The following SPAG9 variants were observed in gnomAD, a reference collection of about 807,000 sequenced individuals.
SPAG9 encodes sperm associated antigen 9, also known as C-Jun-amino-terminal kinase-interacting protein 4.
SPAG9 carries 35 observed loss-of-function variants against 166.5 expected under a neutral mutation model. The observed-to-expected ratio is 0.21, with a 90% CI of 0.16 to 0.28. The LOEUF (loss-of-function observed/expected upper bound fraction) is 0.28, where lower values mean the gene tolerates loss of function less well. Ranked by LOEUF, SPAG9 falls within the 10% of genes least tolerant of loss-of-function variation. SPAG9 has a pLI of 1.00. For missense variants in SPAG9, 1,235 were observed against 1,603.3 expected, an observed-to-expected ratio of 0.77 and a Z score of 3.92; for synonymous variants, 534 against 565.5, an observed-to-expected ratio of 0.94 and a Z score of 0.79.
At chr17:51,080,268 T>C (rs1441572321) in intron 1 of SPAG9, among the ~76,000 whole-genome samples, 1 of 152,098 alleles carries the variant, frequency 6.6e-6, no homozygotes, top group African/African-American at 2.4e-5. Context: ...CAGCAACATC[T>C]GACAAGTGAT....
chr17:51,050,253 C>T (rs536770953), intron 3 of SPAG9, among the ~76,000 whole-genome samples: 1 of 152,160 alleles, frequency 6.6e-6, no homozygotes, highest in South Asian at 2.1e-4. Flanking sequence ...AACTGACAAC[C>T]AAAAATGACT....
chr17:50,982,000 T>C (rs905077261), intron 25 of SPAG9, among the ~76,000 whole-genome samples: 2 of 147,796 alleles, frequency 1.4e-5, no homozygotes, highest in African/African-American at 5.0e-5. Flanking sequence ...GCCACTGCAC[T>C]CCAGCCTGGG....
intron 1 of SPAG9, among the ~76,000 whole-genome samples, chr17:51,095,307 A>T (rs2048581623): frequency 1.2e-5 from 1 of 84,106 alleles, no homozygotes; most frequent in Non-Finnish European, 3.2e-5. Context: ...AAAAAAAAAA[A>T]AAAAAAAAAA....
intron 1 of SPAG9, among the ~76,000 whole-genome samples, chr17:51,104,734 C>A (rs2048895604): frequency 6.6e-6 from 1 of 151,818 alleles, no homozygotes; most frequent in Non-Finnish European, 1.5e-5. Flanking sequence ...GAGATCGAGA[C>A]CATCCTGGCT....
intron 1 of SPAG9, among the ~76,000 whole-genome samples, chr17:51,105,389 A>G (rs1323929219): frequency 5.3e-5 from 8 of 152,212 alleles, no homozygotes; most frequent in Non-Finnish European, 1.2e-4. Context: ...AATAAGATAG[A>G]AAACAAGACA....
At position 51,014,275 on chromosome 17, in the gene SPAG9, G is replaced by T; in HGVS notation, c.1170C>A (p.Gly390=). 1 of 1,613,342 alleles carries T rather than the reference G, an allele frequency of 6.2e-7. No individual in the cohort carries two copies. The highest frequency in any genetic ancestry group is 8.5e-7 in the Non-Finnish European group (1 of 1,179,466). Reference sequence around the variant, plus strand: ...CATCCACATCTCCTATTAGGCCTGAGCCAGCTGAAGACAGTTCTTCAAAGA... The same window carrying T: ...CATCCACATCTCCTATTAGGCCTGATCCAGCTGAAGACAGTTCTTCAAAGA... ...ESLFEELSSA[G]SGLIGDVDEG... The change falls in exon 9 of 30, where the codon GGC becomes GGA. Residue 390 remains glycine, a synonymous_variant. Coordinates refer to ENST00000262013, the MANE Select transcript of SPAG9 (RefSeq NM_001130528.3).
intron 2 of SPAG9, among the ~76,000 whole-genome samples, chr17:51,076,967 CTCTA>C (rs1000888562): frequency 1.0e-4 from 15 of 147,384 alleles, no homozygotes; most frequent in Admixed American, 9.1e-4. Context: ...GAGATCTTGT[CTCTA>C]TCTATCTATC....
intron 2 of SPAG9, among the ~76,000 whole-genome samples, chr17:51,067,491 A>G (rs2047706561): frequency 6.6e-6 from 1 of 152,230 alleles, no homozygotes; most frequent in Non-Finnish European, 1.5e-5. Flanking sequence ...GTTGCATTCC[A>G]TTTGAAGTGT....
At chr17:51,062,115 AGAC>A (rs1422763170) in intron 2 of SPAG9, among the ~76,000 whole-genome samples, 1 of 152,170 alleles carries the variant, frequency 6.6e-6, no homozygotes, top group Non-Finnish European at 1.5e-5. Flanking sequence ...AATTTTTAAT[AGAC>A]TTTATTTTTA....
chr17:51,113,504 A>G (rs1455217374), intron 1 of SPAG9, among the ~76,000 whole-genome samples: 1 of 150,452 alleles, frequency 6.6e-6, no homozygotes, highest in Non-Finnish European at 1.5e-5. Context: ...ACATGGTAAA[A>G]CCCCATCTCT....
chr17:50,977,188 A>T lies in SPAG9; in HGVS notation c.3443T>A (p.Ile1148Asn), dbSNP rs1974267144. The T allele has an allele frequency of 5.0e-6, 8 of 1,613,780 alleles. No individual in the cohort carries two copies. The highest frequency in any genetic ancestry group is 6.8e-6 in the Non-Finnish European group (8 of 1,179,780). ...ATTACAAGACACCATAAGAGCTGTA[A>T]TTCTCACAAAAGAGAAGCCCAGTTT... ...TGKLGFSFVR[I>N]TALMVSCNRL... Residue 1148 changes from isoleucine to asparagine, a missense_variant, in exon 27 of 30, where the codon ATT becomes AAT. Ile to Asn is a moderately radical substitution (Grantham distance 149). Around this residue, in one of 6 missense-constraint regions of SPAG9, gnomAD observed 243 missense variants for 358.6 expected, o/e 0.68. Coordinates refer to ENST00000262013, the MANE Select transcript of SPAG9 (RefSeq NM_001130528.3).
intron 3 of SPAG9, among the ~76,000 whole-genome samples, chr17:51,050,689 A>T (rs774560855): frequency 6.6e-6 from 1 of 152,146 alleles, no homozygotes; most frequent in African/African-American, 2.4e-5. Context: ...TAACAATTTA[A>T]ATATTAATAA....
chr17:50,993,904 T>A lies in SPAG9; in HGVS notation c.2258A>T (p.Glu753Val), dbSNP rs1975833564. ...ACAGATCCAAACTAGACTGGATAAT[T>A]CTTCTTGATTTTTTAACTCCTTCTG... ...EQQKELKNQE[E>V]LSSLVWICTS... The change falls in exon 19 of 30, where the codon GAA (glutamate) becomes GTA (valine). Residue 753 changes from glutamate (E) to valine (V), a missense_variant. This residue lies in a region of SPAG9 where 493 missense variants were observed against 559.4 expected (regional missense o/e 0.88). Transcript: ENST00000262013. 7 of 1,614,140 alleles carry A rather than the reference T, an allele frequency of 4.3e-6. No homozygotes were observed. Among genetic ancestry groups the A allele is most frequent in the Non-Finnish European group, 5.9e-6 (7 of 1,179,982 alleles).
chr17:51,000,972 A>G (rs1405309040), intron 13 of SPAG9, among the ~76,000 whole-genome samples: 2 of 152,218 alleles, frequency 1.3e-5, no homozygotes, highest in Admixed American at 1.3e-4. Flanking sequence ...TTGTAAAATG[A>G]TATGTTAAAA....
chr17:51,077,568 T>G (rs75676841), intron 2 of SPAG9, among the ~76,000 whole-genome samples: 1 of 152,144 alleles, frequency 6.6e-6, no homozygotes, highest in Non-Finnish European at 1.5e-5. Flanking sequence ...TCCAGATGAA[T>G]AGTATTCATA....
At chr17:50,975,583 T>C (rs960624373) in intron 27 of SPAG9, among the ~76,000 whole-genome samples, 1 of 152,070 alleles carries the variant, frequency 6.6e-6, no homozygotes, top group African/African-American at 2.4e-5. Flanking sequence ...TGTAAATTAA[T>C]GACAGCTTTA....
chr17:51,088,372 T>A (rs1327157122), intron 1 of SPAG9, among the ~76,000 whole-genome samples: 1 of 152,188 alleles, frequency 6.6e-6, no homozygotes, highest in African/African-American at 2.4e-5. Flanking sequence ...CTAAAACTCT[T>A]TGCCCACCCA....
chr17:51,044,380 T>C (rs921293284), intron 4 of SPAG9, among the ~76,000 whole-genome samples: 5 of 152,230 alleles, frequency 3.3e-5, no homozygotes, highest in Non-Finnish European at 5.9e-5. Context: ...ATTACTTGTC[T>C]AGAAAACGAA....
intron 29 of SPAG9, among the ~76,000 whole-genome samples, chr17:50,968,288 AT>A (rs565696839): frequency 6.1e-4 from 92 of 151,662 alleles, no homozygotes; most frequent in Non-Finnish European, 9.1e-4. Context: ...AATGACCCTA[AT>A]TTTTTTTTAT....
Sources: allele counts gnomAD v4.1 joint callset (sites outside exome capture counted in the v4.1 genomes callset), GRCh38; gene constraint gnomAD v4.1.1; regional missense constraint gnomAD v4.1.1; transcripts MANE v1.5; gene names NCBI Gene and HGNC (gene_info 2026-07-23, HGNC 2026-07-21).